The following SPAG16 variants were observed in gnomAD, a reference collection of about 807,000 sequenced individuals.
The protein encoded by SPAG16 is sperm associated antigen 16.
SPAG16 carries 86 observed loss-of-function variants against 80.4 expected under a neutral mutation model. That is an observed-to-expected ratio of 1.07 (90% CI 0.90 to 1.28). The LOEUF (loss-of-function observed/expected upper bound fraction) is 1.28. Among genes scored for constraint, SPAG16 ranks in the 50% most tolerant of loss-of-function variants. SPAG16 has a pLI of 0.00. For synonymous variants in SPAG16, 294 were observed against 265.9 expected (o/e 1.11, Z -1.03); for missense variants, 870 against 765.3 (o/e 1.14, Z -1.61).
intron 11 of SPAG16, among the ~76,000 whole-genome samples, chr2:213,864,912 A>C (rs1426071826): frequency 6.6e-6 from 1 of 152,092 alleles, no homozygotes; most frequent in East Asian, 1.9e-4. Flanking sequence ...TATCAGACAA[A>C]AGAAGATTAA....
chr2:213,892,712 T>G (rs1274781215), intron 11 of SPAG16, among the ~76,000 whole-genome samples: 1 of 151,992 alleles, frequency 6.6e-6, no homozygotes, highest in Non-Finnish European at 1.5e-5. Context: ...ACCACGCAGA[T>G]GAAAGAGTCA....
rs557741861 is a variant in SPAG16 at position 213,901,806 on chromosome 2, C to T, written c.1215-28154C>T. On this transcript the variant is annotated intron_variant, in intron 11 of 15. Transcript: ENST00000331683. ...GAATTTTCTCAGTTGTATAAGCAGA[C>T]TCAGTGATGTGCAGGGCCAAGGTTG... 9.0e-4 allele frequency among the ~76,000 whole-genome samples: 137 copies of T among 152,250 alleles called. 1 individual carries two copies. Among genetic ancestry groups the T allele is most frequent in the African/African-American group, 3.2e-3 (133 of 41,542 alleles).
At chr2:213,329,600 G>C (rs2063998410) in intron 5 of SPAG16, among the ~76,000 whole-genome samples, 1 of 152,176 alleles carries the variant, frequency 6.6e-6, no homozygotes, top group Non-Finnish European at 1.5e-5. Context: ...TTTCAAAAGG[G>C]AAACAGAGCA....
At chr2:214,232,917 G>T (rs1194803046) in intron 15 of SPAG16, among the ~76,000 whole-genome samples, 1 of 151,820 alleles carries the variant, frequency 6.6e-6, no homozygotes, top group Non-Finnish European at 1.5e-5. Context: ...AAGTTAGTAT[G>T]GATAAATAAA....
At chr2:213,632,015 G>A (rs2062173291) in intron 10 of SPAG16, among the ~76,000 whole-genome samples, 1 of 152,026 alleles carries the variant, frequency 6.6e-6, no homozygotes, top group South Asian at 2.1e-4. Context: ...CTATTTCTGT[G>A]AAGAATGTAA....
At chr2:213,697,893 C>T (rs1012606768) in intron 10 of SPAG16, among the ~76,000 whole-genome samples, 1 of 152,166 alleles carries the variant, frequency 6.6e-6, no homozygotes, top group African/African-American at 2.4e-5. Flanking sequence ...GCTACCATCC[C>T]TTTTTATATA....
intron 12 of SPAG16, among the ~76,000 whole-genome samples, chr2:213,966,755 G>T (rs1303935440): frequency 2.0e-5 from 3 of 152,002 alleles, no homozygotes; most frequent in Non-Finnish European, 2.9e-5. Flanking sequence ...CTAATTGCTT[G>T]GTGGCTGCTA....
chr2:214,203,255 T>C (rs1034418738), intron 15 of SPAG16, among the ~76,000 whole-genome samples: 4 of 152,194 alleles, frequency 2.6e-5, no homozygotes, highest in African/African-American at 9.7e-5. Context: ...TATTTTCTGG[T>C]TCTGGTATAT....
intron 10 of SPAG16, among the ~76,000 whole-genome samples, chr2:213,746,343 G>A (rs947535170): frequency 1.3e-5 from 2 of 152,030 alleles, no homozygotes; most frequent in Non-Finnish European, 2.9e-5. Context: ...CCTCATTTTG[G>A]TCAATGATGA....
chr2:213,639,125 A>G (rs1247327917), intron 10 of SPAG16, among the ~76,000 whole-genome samples: 1 of 152,092 alleles, frequency 6.6e-6, no homozygotes, highest in Non-Finnish European at 1.5e-5. Context: ...TTAAGTTTAT[A>G]TGAGTCCTTA....
intron 9 of SPAG16, among the ~76,000 whole-genome samples, chr2:213,387,667 G>A (rs1039350462): frequency 6.6e-6 from 1 of 150,802 alleles, no homozygotes; most frequent in African/African-American, 2.5e-5. Context: ...TTTTGGCCGG[G>A]ATGGTCTCGA....
At chr2:214,259,184 T>C (rs1009130638) in intron 15 of SPAG16, among the ~76,000 whole-genome samples, 23 of 151,854 alleles carry the variant, frequency 1.5e-4, no homozygotes, top group African/African-American at 4.8e-4. Context: ...TTGAATTCAT[T>C]TTAGTAGGCA....
intron 1 of SPAG16, among the ~76,000 whole-genome samples, chr2:213,293,901 A>G (rs191915679): frequency 4.0e-4 from 61 of 152,192 alleles, no homozygotes; most frequent in African/African-American, 1.4e-3. Context: ...TTTACCTCAT[A>G]TAGTTACCTT....
At chr2:213,912,380 AAG>A (rs1276070036) in intron 11 of SPAG16, among the ~76,000 whole-genome samples, 5 of 152,158 alleles carry the variant, frequency 3.3e-5, no homozygotes, top group Middle Eastern at 3.4e-3. Flanking sequence ...TTTGCTATAT[AAG>A]AGAGAAACTA....
chr2:214,340,757 G>A (rs1466957091), intron 15 of SPAG16, among the ~76,000 whole-genome samples: 1 of 152,162 alleles, frequency 6.6e-6, no homozygotes, highest in Non-Finnish European at 1.5e-5. Flanking sequence ...TAAGGTGCTG[G>A]CTGAGGCTGT....
rs545891981 is a variant in SPAG16 at position 213,757,858 on chromosome 2, C to T, written c.1071-104627C>T. Among the ~76,000 whole-genome samples, 14 of 152,092 alleles carry T rather than the reference C, an allele frequency of 9.2e-5. No homozygotes were observed. The East Asian group carries it at 1.4e-3, about 15-fold the overall frequency. Reference sequence around the variant, plus strand: ...TGCTGTTTCTGGTCACAAAGATGGACGCAAAGAGGTGAGTGGTTATTGTTG... The same window carrying T: ...TGCTGTTTCTGGTCACAAAGATGGATGCAAAGAGGTGAGTGGTTATTGTTG... On this transcript the variant is annotated intron_variant, in intron 10 of 15. Transcript: ENST00000331683.
At chr2:213,938,199 T>C (rs1258350489) in intron 12 of SPAG16, among the ~76,000 whole-genome samples, 1 of 151,974 alleles carries the variant, frequency 6.6e-6, no homozygotes, top group Non-Finnish European at 1.5e-5. Context: ...CAACACCTTT[T>C]CTCCAACTCT....
chr2:213,927,465 C>T (rs1405552939), intron 11 of SPAG16, among the ~76,000 whole-genome samples: 1 of 152,060 alleles, frequency 6.6e-6, no homozygotes, highest in Non-Finnish European at 1.5e-5. Context: ...TTTATTTTTT[C>T]ATGAACCAAA....
intron 15 of SPAG16, among the ~76,000 whole-genome samples, chr2:214,330,917 A>G (rs1220161982): frequency 6.6e-6 from 1 of 152,232 alleles, no homozygotes; most frequent in Non-Finnish European, 1.5e-5. Flanking sequence ...ATCTGGGAGC[A>G]GCACCTCAAA....
Sources: allele counts gnomAD v4.1 joint callset (sites outside exome capture counted in the v4.1 genomes callset), GRCh38; gene constraint gnomAD v4.1.1; transcripts MANE v1.5; gene names NCBI Gene and HGNC (gene_info 2026-07-23, HGNC 2026-07-21).